Variants in VAV3 observed in about 807,000 individuals in gnomAD.
VAV3 encodes the protein guanine nucleotide exchange factor VAV3.
VAV3 carries 94 observed loss-of-function variants against 131.2 expected under a neutral mutation model. The ratio of observed to expected loss-of-function variants is 0.72; its 90% CI spans 0.61 to 0.85. The LOEUF is 0.85. Among genes scored for constraint, VAV3 ranks in the 40% least tolerant of loss-of-function variants. The pLI, the probability that VAV3 is intolerant of heterozygous loss-of-function variation, is 0.00. For missense variants in VAV3, 939 were observed against 1,002.7 expected (o/e 0.94, Z 0.86); for synonymous variants, 349 against 342.0 (o/e 1.02, Z -0.22).
chr1:107,918,013 C>T (rs1368458236), intron 1 of VAV3, among the ~76,000 whole-genome samples: 5 of 152,120 alleles, frequency 3.3e-5, no homozygotes, highest in Non-Finnish European at 7.3e-5. Flanking sequence ...ATTATTTAAT[C>T]GACAAATATT....
chr1:107,820,475 G>A (rs777758670), intron 2 of VAV3, among the ~76,000 whole-genome samples: 1 of 152,004 alleles, frequency 6.6e-6, no homozygotes, highest in South Asian at 2.1e-4. Context: ...AGGGGAGTGG[G>A]GGGGTAGGGT....
At chr1:107,829,296 A>G (rs1196869618) in intron 2 of VAV3, among the ~76,000 whole-genome samples, 1 of 152,154 alleles carries the variant, frequency 6.6e-6, no homozygotes, top group Non-Finnish European at 1.5e-5. Context: ...AAGTCAAACA[A>G]TTGTCCCTCA....
At chr1:107,723,678 A>C (rs963606120) in intron 15 of VAV3, among the ~76,000 whole-genome samples, 2 of 152,130 alleles carry the variant, frequency 1.3e-5, no homozygotes, top group African/African-American at 4.8e-5. Context: ...CGCTAGTACC[A>C]TTAAGTACTG....
At chr1:107,860,943 C>T (rs1669708994) in intron 2 of VAV3, among the ~76,000 whole-genome samples, 1 of 151,672 alleles carries the variant, frequency 6.6e-6, no homozygotes, top group African/African-American at 2.4e-5. Context: ...GATTGTCCTA[C>T]AGAAGGTGTA....
chr1:107,642,851 G>C, intron 19 of VAV3, 96 bp from the exon 20 acceptor site: 1 of 1,521,314 alleles, frequency 6.6e-7, no homozygotes, highest in Non-Finnish European at 8.9e-7. Flanking sequence ...ACATTAAAAA[G>C]TGTTAATACC....
At chr1:107,904,337 C>T (rs949979471) in intron 1 of VAV3, among the ~76,000 whole-genome samples, 1 of 152,228 alleles carries the variant, frequency 6.6e-6, no homozygotes, top group Non-Finnish European at 1.5e-5. Context: ...GGGTACCAAA[C>T]ATGAACAGTC....
intron 2 of VAV3, among the ~76,000 whole-genome samples, chr1:107,797,793 T>C (rs918727283): frequency 6.6e-6 from 1 of 152,208 alleles, no homozygotes; most frequent in African/African-American, 2.4e-5. Flanking sequence ...CTTTGGCTTT[T>C]ATATAGAGCA....
At chr1:107,724,029 TAACA>T (rs1661681450) in intron 15 of VAV3, among the ~76,000 whole-genome samples, 1 of 152,148 alleles carries the variant, frequency 6.6e-6, no homozygotes, top group Non-Finnish European at 1.5e-5. Flanking sequence ...GTGAAGCGAC[TAACA>T]GAGTGAACTC....
chr1:107,676,664 G>T (rs1658235199), intron 19 of VAV3, among the ~76,000 whole-genome samples: 1 of 151,990 alleles, frequency 6.6e-6, no homozygotes, highest in Non-Finnish European at 1.5e-5. Context: ...AAAGCATATT[G>T]GTTGGTATAT....
chr1:107,592,280 T>C (rs186923042), intron 25 of VAV3, among the ~76,000 whole-genome samples: 1 of 152,264 alleles, frequency 6.6e-6, no homozygotes, highest in African/African-American at 2.4e-5. Flanking sequence ...ATGATTAGAT[T>C]CCACTTATGC....
At chr1:107,903,594 G>A (rs138491359) in intron 1 of VAV3, among the ~76,000 whole-genome samples, 2,082 of 152,050 alleles carry the variant, frequency 0.014, 21 homozygotes, top group Non-Finnish European at 0.023. Flanking sequence ...CAGTAATAAG[G>A]GCATTCACCT....
intron 15 of VAV3, among the ~76,000 whole-genome samples, chr1:107,710,826 CA>C (rs1183715092): frequency 6.6e-6 from 1 of 151,568 alleles, no homozygotes; most frequent in Non-Finnish European, 1.5e-5. Flanking sequence ...AATAAAGAAA[CA>C]AAAAAATTGG....
chr1:107,904,734 AATGC>A lies in VAV3; in HGVS notation c.205-29721_205-29718del, dbSNP rs1030205561. On this transcript the variant is annotated intron_variant, in intron 1 of 26. Transcript: ENST00000370056. Reference sequence around the variant, plus strand: ...TTGGGATATAGATCAGTAAACTAAAAATGCATAGAAGAAAAATTTCTCTACCATC... The same window carrying A: ...TTGGGATATAGATCAGTAAACTAAAAATAGAAGAAAAATTTCTCTACCATC... Among the ~76,000 whole-genome samples, 133 of 152,308 alleles carry A rather than the reference AATGC, an allele frequency of 8.7e-4. 1 individual carries two copies. Among genetic ancestry groups the A allele is most frequent in the African/African-American group, 3.2e-3 (131 of 41,564 alleles).
At chr1:107,885,980 A>G (rs1381999079) in intron 1 of VAV3, among the ~76,000 whole-genome samples, 2 of 152,196 alleles carry the variant, frequency 1.3e-5, no homozygotes, top group Admixed American at 6.5e-5. Flanking sequence ...GGAGATTCAT[A>G]TCTCCAAGGA....
intron 5 of VAV3, among the ~76,000 whole-genome samples, chr1:107,771,132 TA>T (rs1224404598): frequency 6.6e-6 from 1 of 152,184 alleles, no homozygotes; most frequent in Non-Finnish European, 1.5e-5. Context: ...TTTCCAACAT[TA>T]ACATCTTACT....
chr1:107,606,851 G>C (rs1163960533), intron 22 of VAV3, among the ~76,000 whole-genome samples: 7 of 83,044 alleles, frequency 8.4e-5, no homozygotes, highest in Non-Finnish European at 1.3e-4. Flanking sequence ...TTCCTCAAAT[G>C]TATGGTTACT....
intron 15 of VAV3, among the ~76,000 whole-genome samples, chr1:107,732,716 G>A (rs1174678800): frequency 2.6e-5 from 4 of 152,136 alleles, no homozygotes; most frequent in Admixed American, 1.3e-4. Flanking sequence ...CGGGAAGCTC[G>A]ACCTGGGTGG....
At chr1:107,688,581 C>G in intron 17 of VAV3, 175 bp from the exon 18 acceptor site, 1 of 1,482,678 alleles carries the variant, frequency 6.7e-7, no homozygotes, top group Non-Finnish European at 8.9e-7. Flanking sequence ...AACCTTGGTT[C>G]TCTTACCCTA....
intron 19 of VAV3, among the ~76,000 whole-genome samples, chr1:107,647,896 G>A (rs1655855015): frequency 6.6e-6 from 1 of 152,044 alleles, no homozygotes; most frequent in Non-Finnish European, 1.5e-5. Flanking sequence ...GAATCAGGTT[G>A]AGCCTGGGAT....
Sources: gnomAD v4.1 joint callset for allele counts (sites outside exome capture counted in the v4.1 genomes callset) on GRCh38, gnomAD v4.1.1 for gene constraint, MANE v1.5 for transcripts, NCBI Gene and HGNC (gene_info 2026-07-23, HGNC 2026-07-21) for gene names.